Variants in NSD2 observed in about 807,000 individuals in gnomAD.
NSD2 encodes the protein nuclear receptor binding SET domain protein 2.
In NSD2, 12 loss-of-function variants were observed where a neutral mutation model predicts 139.0. The observed-to-expected ratio is 0.09, with a 90% CI of 0.06 to 0.14. The LOEUF is 0.14. Among genes scored for constraint, NSD2 ranks in the 10% least tolerant of loss-of-function variants. The pLI is 1.00. For missense variants in NSD2, 1,155 were observed against 1,745.0 expected (o/e 0.66, Z 6.02); for synonymous variants, 669 against 648.7 (o/e 1.03, Z -0.48).
At chr4:1,944,224 G>A in intron 9 of NSD2, 1 of 1,066,258 alleles carries the variant, frequency 9.4e-7, no homozygotes. Flanking sequence ...GCTCATCCTA[G>A]AGGAGCGGAG....
At chr4:1,895,618 G>A (rs1191464982) in intron 1 of NSD2, among the ~76,000 whole-genome samples, 1 of 151,710 alleles carries the variant, frequency 6.6e-6, no homozygotes, top group Non-Finnish European at 1.5e-5. Context: ...CTTCCATACT[G>A]TCCCATGCCT....
intron 6 of NSD2, among the ~76,000 whole-genome samples, chr4:1,933,329 C>T (rs567021252): frequency 6.6e-6 from 1 of 152,214 alleles, no homozygotes; most frequent in African/African-American, 2.4e-5. Context: ...GTCTCCTGTC[C>T]CAACAGTAGT....
Position 1,948,497 on chromosome 4 carries a change from C to T in NSD2, c.1882-2575C>T, listed in dbSNP as rs377290033. The T allele has an allele frequency of 2.4e-5, 26 of 1,064,458 alleles. No individual in the cohort carries two copies. The African/African-American group carries it at 3.9e-4, about 16-fold the overall frequency. The allele number at this position is 1,064,458 out of a possible 1,614,324, so 65.9% of individuals were successfully genotyped here. A position where few individuals can be genotyped will look rare whatever the true frequency, so the allele number is the denominator to read the frequency against. On this transcript the variant is annotated intron_variant, in intron 9 of 21. Transcript: ENST00000508803. The surrounding 1 kb of genome is among the most constrained non-coding windows in gnomAD (Gnocchi z 4.5). ...GCTCTCCTTGCGGGTGGTTGCCGAGCCGAGAGCATTGGATCCTCCCCGACT... is the reference window on the plus strand; with the variant it reads ...GCTCTCCTTGCGGGTGGTTGCCGAGTCGAGAGCATTGGATCCTCCCCGACT...
chr4:1,912,078 C>A, intron 3 of NSD2: 1 of 378,398 alleles, frequency 2.6e-6, no homozygotes, highest in South Asian at 2.0e-5. Context: ...CTTGACATAT[C>A]CTTGAATCTT....
At chr4:1,947,173 C>A in intron 9 of NSD2, 1 of 1,064,556 alleles carries the variant, frequency 9.4e-7, no homozygotes, top group Non-Finnish European at 1.1e-6. Context: ...TCCTCCCCAG[C>A]ACACTCCCTG....
At position 1,952,093 on chromosome 4, in the gene NSD2, G is replaced by A; in HGVS notation, c.2014-15G>A. On this transcript the variant is annotated splice_polypyrimidine_tract_variant and intron_variant, in intron 10 of 21. Coordinates refer to ENST00000508803, the MANE Select transcript of NSD2 (RefSeq NM_001042424.3). ...ACTGCCGGGCGCTGCTTACCCGCCT[G>A]CTCTGCCCCCGCAGCTGTGTGAGAA... 2 of 1,613,272 alleles carry A rather than the reference G, an allele frequency of 1.2e-6. No individual in the cohort carries two copies. The highest frequency in any genetic ancestry group is 1.7e-6 in the Non-Finnish European group (2 of 1,179,488).
intron 10 of NSD2, among the ~76,000 whole-genome samples, chr4:1,951,444 A>C (rs570175): frequency 0.77 from 22,279 of 28,912 alleles, 8,153 homozygotes; most frequent in South Asian, 0.92. Context: ...ATCATGTAAT[A>C]CACACACACA....
chr4:1,928,063 A>G (rs1167023757), intron 5 of NSD2, among the ~76,000 whole-genome samples: 5 of 151,772 alleles, frequency 3.3e-5, no homozygotes. Context: ...CTAATTTAAA[A>G]ATAATTTCTT....
intron 5 of NSD2, among the ~76,000 whole-genome samples, chr4:1,926,102 C>G (rs574990040): frequency 6.6e-6 from 1 of 151,190 alleles, no homozygotes; most frequent in African/African-American, 2.4e-5. Context: ...TGCACCTGGC[C>G]GGCTCCAGTA....
intron 6 of NSD2, 41 bp from the exon 7 acceptor site, chr4:1,935,103 G>T: frequency 1.3e-6 from 2 of 1,532,300 alleles, no homozygotes; most frequent in South Asian, 2.3e-5. Flanking sequence ...GCAGCTTTTG[G>T]AGTGGTTTTC....
intron 21 of NSD2, among the ~76,000 whole-genome samples, chr4:1,977,182 C>T (rs73796674): frequency 0.045 from 6,794 of 152,312 alleles, 496 homozygotes; most frequent in African/African-American, 0.16. Flanking sequence ...GAGGCTCCGC[C>T]GGTTGACGAA....
chr4:1,898,690 CTT>C (rs79385915), intron 1 of NSD2, among the ~76,000 whole-genome samples: 5 of 134,814 alleles, frequency 3.7e-5, no homozygotes, highest in African/African-American at 5.6e-5. Flanking sequence ...AAAAAACACA[CTT>C]TTTTTTTTTT....
At chr4:1,906,548 T>C (rs189820415) in intron 3 of NSD2, among the ~76,000 whole-genome samples, 20 of 151,216 alleles carry the variant, frequency 1.3e-4, no homozygotes, top group African/African-American at 3.6e-4. Flanking sequence ...GCCCAACTTA[T>C]ATATCATTGC....
chr4:1,907,354 C>A (rs1037953546), intron 3 of NSD2, among the ~76,000 whole-genome samples: 4 of 152,100 alleles, frequency 2.6e-5, no homozygotes, highest in South Asian at 4.2e-4. Flanking sequence ...ACCCTGCAGC[C>A]ACCTAGTGTT....
chr4:1,880,773 A>G (rs1714641816), intron 1 of NSD2, among the ~76,000 whole-genome samples: 2 of 152,320 alleles, frequency 1.3e-5, no homozygotes, highest in Admixed American at 6.5e-5. Flanking sequence ...TCAACAGGGA[A>G]AAATGAAGGG....
chr4:1,980,623 A>G lies in NSD2; in HGVS notation c.*1714A>G, dbSNP rs1009496008. The G allele has an allele frequency of 8.6e-6, 2 of 232,972 alleles. No homozygotes were observed. Among genetic ancestry groups the G allele is most frequent in the African/African-American group, 2.2e-5 (1 of 45,308 alleles). The allele number at this position is 232,972 out of a possible 1,614,324, so 14.4% of individuals were successfully genotyped here. A position where few individuals can be genotyped will look rare whatever the true frequency, so the allele number is the denominator to read the frequency against. On this transcript the variant is annotated 3_prime_UTR_variant, in exon 22 of 22. Transcript: ENST00000508803. ...GGGGTTCAGGGGTGTGTGGCCCTGC[A>G]GGGTCCCACGCCTCCCTGAGCACTG...
At chr4:1,875,342 TATG>T (rs1427575352) in intron 1 of NSD2, among the ~76,000 whole-genome samples, 9 of 149,678 alleles carry the variant, frequency 6.0e-5, no homozygotes, top group Admixed American at 1.3e-4. Flanking sequence ...AGTGGAGTCA[TATG>T]ATCACGGCTC....
At chr4:1,936,205 A>G (rs551357902) in intron 7 of NSD2, among the ~76,000 whole-genome samples, 1 of 152,318 alleles carries the variant, frequency 6.6e-6, no homozygotes, top group South Asian at 2.1e-4. Flanking sequence ...CCAAGGAAAC[A>G]CCGGGTTATT....
intron 4 of NSD2, among the ~76,000 whole-genome samples, chr4:1,917,778 CTTT>C (rs34000332): frequency 1.4e-4 from 17 of 122,602 alleles, no homozygotes; most frequent in Non-Finnish European, 8.8e-5. Context: ...TAAAAGTATT[CTTT>C]TTTTTTTTTT....
Sources: allele counts gnomAD v4.1 joint callset (sites outside exome capture counted in the v4.1 genomes callset), GRCh38; gene constraint gnomAD v4.1.1; non-coding constraint Gnocchi (gnomAD v3.1); transcripts MANE v1.5; gene names NCBI Gene and HGNC (gene_info 2026-07-23, HGNC 2026-07-21).